The following DOCK2 variants were observed in gnomAD, a reference collection of about 807,000 sequenced individuals.
DOCK2 encodes dedicator of cytokinesis 2.
In DOCK2, 87 loss-of-function variants were observed where a neutral mutation model predicts 248.9. The ratio of observed to expected loss-of-function variants is 0.35; its 90% CI spans 0.29 to 0.42. The LOEUF is 0.42. Among genes scored for constraint, DOCK2 ranks in the 10% least tolerant of loss-of-function variants. The probability of loss-of-function intolerance (pLI) is 1.00; values close to 1 mark genes in which losing one functional copy is unlikely to be tolerated. For missense variants in DOCK2, 1,747 were observed against 2,300.2 expected (o/e 0.76, Z 4.92); for synonymous variants, 805 against 821.6 (o/e 0.98, Z 0.35).
At chr5:169,664,361 T>C (rs1361235070) in intron 2 of DOCK2, among the ~76,000 whole-genome samples, 4 of 152,214 alleles carry the variant, frequency 2.6e-5, no homozygotes, top group African/African-American at 9.7e-5. Context: ...TTCCCACATC[T>C]TTCTATCTTT....
chr5:169,870,522 A>G (rs1431652518), intron 27 of DOCK2, among the ~76,000 whole-genome samples: 3 of 152,180 alleles, frequency 2.0e-5, no homozygotes, highest in African/African-American at 7.2e-5. Flanking sequence ...GAAGCCTCTC[A>G]GTTGTATATA....
At chr5:169,872,673 C>A (rs570869252) in intron 27 of DOCK2, among the ~76,000 whole-genome samples, 2 of 152,112 alleles carry the variant, frequency 1.3e-5, no homozygotes, top group African/African-American at 4.8e-5. Context: ...GCATGTGAAA[C>A]CCTCAGAAAG....
intron 27 of DOCK2, among the ~76,000 whole-genome samples, chr5:169,897,318 G>A (rs1233795579): frequency 6.6e-6 from 1 of 151,960 alleles, no homozygotes; most frequent in East Asian, 1.9e-4. Context: ...CCAAGTAGCT[G>A]GGATTACAGG....
intron 27 of DOCK2, among the ~76,000 whole-genome samples, chr5:169,913,217 C>T (rs1055716663): frequency 6.6e-6 from 1 of 152,184 alleles, no homozygotes; most frequent in Non-Finnish European, 1.5e-5. Flanking sequence ...GTTTATAGAG[C>T]TTTGCAGTTC....
intron 32 of DOCK2, 101 bp from the exon 33 acceptor site, chr5:170,018,859 T>C (rs1755624238): frequency 7.0e-7 from 1 of 1,428,044 alleles, no homozygotes; most frequent in African/African-American, 1.4e-5. Context: ...CTATTGTTTT[T>C]ACTATTATGC....
At chr5:170,050,711 C>T (rs1252761370) in intron 41 of DOCK2, among the ~76,000 whole-genome samples, 2 of 150,502 alleles carry the variant, frequency 1.3e-5, no homozygotes, top group Admixed American at 1.3e-4. Context: ...CGTGCTCCAA[C>T]TTGCTCCCTG....
chr5:169,783,391 G>A (rs1003507773), intron 25 of DOCK2, among the ~76,000 whole-genome samples: 1 of 152,016 alleles, frequency 6.6e-6, no homozygotes, highest in Non-Finnish European at 1.5e-5. Context: ...TGTATTCATC[G>A]GTGACTTTGG....
chr5:169,680,745 G>A (rs1196044734), intron 6 of DOCK2, among the ~76,000 whole-genome samples: 1 of 151,858 alleles, frequency 6.6e-6, no homozygotes, highest in Non-Finnish European at 1.5e-5. Context: ...TAAATAAATT[G>A]AGACAAGGCA....
chr5:169,768,268 C>T (rs1764903020), intron 25 of DOCK2, among the ~76,000 whole-genome samples: 1 of 152,214 alleles, frequency 6.6e-6, no homozygotes, highest in Non-Finnish European at 1.5e-5. Context: ...ACGAAGCACA[C>T]GCACATGCAA....
At chr5:169,727,452 G>A (rs748104151) in intron 22 of DOCK2, among the ~76,000 whole-genome samples, 1 of 152,188 alleles carries the variant, frequency 6.6e-6, no homozygotes, top group Non-Finnish European at 1.5e-5. Context: ...AGAGTAGCTA[G>A]TGAATGAAGC....
chr5:170,081,710 C>T (rs1004748773), intron 50 of DOCK2, 132 bp from the exon 51 acceptor site: 1 of 1,054,336 alleles, frequency 9.5e-7, no homozygotes, highest in African/African-American at 1.6e-5. Flanking sequence ...CATCCTGCCT[C>T]CTGCTTGGCA....
chr5:170,078,182 G>C (rs946372108), intron 48 of DOCK2, among the ~76,000 whole-genome samples: 16 of 152,130 alleles, frequency 1.1e-4, no homozygotes, highest in African/African-American at 3.9e-4. Context: ...ATAGGGATCT[G>C]TTCCCTTTCA....
intron 27 of DOCK2, among the ~76,000 whole-genome samples, chr5:169,952,281 T>G (rs948661862): frequency 2.6e-5 from 4 of 152,214 alleles, no homozygotes; most frequent in African/African-American, 7.2e-5. Context: ...TATAACAATT[T>G]ATTGAGAACT....
At chr5:170,016,811 C>T (rs1755554264) in intron 32 of DOCK2, among the ~76,000 whole-genome samples, 1 of 152,182 alleles carries the variant, frequency 6.6e-6, no homozygotes. Context: ...TTTAAAACTC[C>T]ACTGTGGTTT....
intron 27 of DOCK2, among the ~76,000 whole-genome samples, chr5:169,959,347 T>A (rs963140354): frequency 4.6e-4 from 69 of 150,948 alleles, no homozygotes; most frequent in Middle Eastern, 3.4e-3. Context: ...CCAGCCTGGG[T>A]GACAGAGAGA....
intron 30 of DOCK2, 66 bp from the exon 31 acceptor site, chr5:170,008,431 A>G: frequency 6.6e-7 from 1 of 1,520,376 alleles, no homozygotes; most frequent in African/African-American, 1.4e-5. Flanking sequence ...TATTCACACT[A>G]CCCAGCGCTT....
At chr5:169,873,563 G>A (rs1453668924) in intron 27 of DOCK2, among the ~76,000 whole-genome samples, 3 of 152,178 alleles carry the variant, frequency 2.0e-5, no homozygotes, top group African/African-American at 7.2e-5. Flanking sequence ...CCAGAGGGAG[G>A]ACTGTGGCTG....
intron 13 of DOCK2, chr5:169,702,040 T>C (rs1670718058): frequency 9.4e-6 from 3 of 318,492 alleles, no homozygotes; most frequent in Non-Finnish European, 1.8e-5. Context: ...TAAATGACTT[T>C]TAATGTCGAG....
intron 27 of DOCK2, among the ~76,000 whole-genome samples, chr5:169,940,537 T>G (rs949736031): frequency 1.3e-5 from 2 of 152,290 alleles, no homozygotes; most frequent in Admixed American, 1.3e-4. Context: ...TAATGTAGAA[T>G]CAATGGGAAC....
Sources: allele counts gnomAD v4.1 joint callset (sites outside exome capture counted in the v4.1 genomes callset), GRCh38; gene constraint gnomAD v4.1.1; transcripts MANE v1.5; gene names NCBI Gene and HGNC (gene_info 2026-07-23, HGNC 2026-07-21).